Variants in DNM3 observed in about 807,000 individuals in gnomAD.
The protein encoded by DNM3 is dynamin-3.
In DNM3, 47 loss-of-function variants were observed where a neutral mutation model predicts 101.6. The ratio of observed to expected loss-of-function variants is 0.46; its 90% CI spans 0.37 to 0.59. The LOEUF is 0.59. Among genes scored for constraint, DNM3 ranks in the 20% least tolerant of loss-of-function variants. DNM3 has a pLI of 0.00. For missense variants in DNM3, 849 were observed against 1,085.7 expected, an observed-to-expected ratio of 0.78 and a Z score of 3.06; for synonymous variants, 385 against 387.9, an observed-to-expected ratio of 0.99 and a Z score of 0.09.
At chr1:172,274,292 G>A (rs1297092757) in intron 15 of DNM3, among the ~76,000 whole-genome samples, 1 of 152,066 alleles carries the variant, frequency 6.6e-6, no homozygotes, top group Non-Finnish European at 1.5e-5. Flanking sequence ...GTGTCAGGGA[G>A]AGAAATCATC....
intron 2 of DNM3, among the ~76,000 whole-genome samples, chr1:171,938,009 T>G (rs2041561194): frequency 6.7e-6 from 1 of 149,396 alleles, no homozygotes; most frequent in Non-Finnish European, 1.5e-5. Flanking sequence ...TCTAGACACC[T>G]TTCCTTCTTC....
intron 16 of DNM3, among the ~76,000 whole-genome samples, chr1:172,312,366 G>C (rs115029350): frequency 0.014 from 2,168 of 152,228 alleles, 50 homozygotes; most frequent in African/African-American, 0.049. Flanking sequence ...TGACTGGAAA[G>C]AAATCTCTAT....
intron 14 of DNM3, among the ~76,000 whole-genome samples, chr1:172,180,268 T>C (rs1572850913): frequency 6.6e-6 from 1 of 152,116 alleles, no homozygotes; most frequent in African/African-American, 2.4e-5. Context: ...GTTTACTGCA[T>C]GCTAACCAAC....
At chr1:171,855,841 T>C (rs2033550227) in intron 1 of DNM3, among the ~76,000 whole-genome samples, 1 of 152,246 alleles carries the variant, frequency 6.6e-6, no homozygotes, top group Non-Finnish European at 1.5e-5. Flanking sequence ...ACTCTATTGA[T>C]AGTTTCTTTT....
At chr1:171,842,627 C>T (rs2031445888) in intron 1 of DNM3, among the ~76,000 whole-genome samples, 1 of 152,050 alleles carries the variant, frequency 6.6e-6, no homozygotes, top group African/African-American at 2.4e-5. Context: ...ATCTTTCTCG[C>T]ACTCTCTCTG....
At chr1:171,984,413 C>T (rs1039899300) in intron 2 of DNM3, among the ~76,000 whole-genome samples, 13 of 152,166 alleles carry the variant, frequency 8.5e-5, no homozygotes, top group African/African-American at 1.7e-4. Context: ...CCACACCGCC[C>T]GGTGCTCCAG....
chr1:172,010,592 T>A (rs1417813241), intron 4 of DNM3, among the ~76,000 whole-genome samples: 1 of 149,936 alleles, frequency 6.7e-6, no homozygotes, highest in African/African-American at 2.4e-5. Context: ...CTCTCTTTTT[T>A]CCCTCTCTGC....
chr1:171,953,246 TTGC>T (rs1157457269), intron 2 of DNM3, among the ~76,000 whole-genome samples: 4 of 152,272 alleles, frequency 2.6e-5, no homozygotes, highest in Non-Finnish European at 2.9e-5. Context: ...ATCACAAACT[TTGC>T]TGCTATTTTT....
chr1:172,249,671 TA>T (rs903925852), intron 14 of DNM3, among the ~76,000 whole-genome samples: 2 of 152,090 alleles, frequency 1.3e-5, no homozygotes, highest in Non-Finnish European at 2.9e-5. Context: ...GAATCTCTAT[TA>T]AAAAAATCTT....
intron 14 of DNM3, among the ~76,000 whole-genome samples, chr1:172,198,338 T>C (rs114064628): frequency 0.01 from 1,542 of 152,296 alleles, 33 homozygotes; most frequent in African/African-American, 0.035. Flanking sequence ...TTTGAATTAT[T>C]GCACAGATGT....
At chr1:172,134,179 A>G (rs900338983) in intron 14 of DNM3, among the ~76,000 whole-genome samples, 1 of 152,188 alleles carries the variant, frequency 6.6e-6, no homozygotes, top group Non-Finnish European at 1.5e-5. Flanking sequence ...ACTTAAGTTC[A>G]AGGTAGCAAA....
chr1:171,937,492 T>A (rs6689282), intron 2 of DNM3, among the ~76,000 whole-genome samples: 98,300 of 151,986 alleles, frequency 0.65, 31,977 homozygotes, highest in Middle Eastern at 0.69. Context: ...GGGCTTCTTA[T>A]AGATGCAGAC....
chr1:172,346,223 A>G (rs897131718), intron 17 of DNM3, among the ~76,000 whole-genome samples: 1 of 152,208 alleles, frequency 6.6e-6, no homozygotes, highest in African/African-American at 2.4e-5. Flanking sequence ...AGTAAGAATC[A>G]GGAAGAAAGC....
intron 10 of DNM3, among the ~76,000 whole-genome samples, chr1:172,063,031 T>C (rs573446131): frequency 6.6e-6 from 1 of 152,328 alleles, no homozygotes; most frequent in East Asian, 1.9e-4. Context: ...CTAAAATTCA[T>C]TATTTCTATT....
chr1:171,988,678 A>G (rs902962720), intron 3 of DNM3, among the ~76,000 whole-genome samples: 26 of 152,202 alleles, frequency 1.7e-4, no homozygotes, highest in African/African-American at 6.0e-4. Context: ...AGTTACAGAT[A>G]TGACAGCTTT....
chr1:171,997,306 A>C (rs2046063483), intron 4 of DNM3, among the ~76,000 whole-genome samples: 1 of 152,190 alleles, frequency 6.6e-6, no homozygotes, highest in African/African-American at 2.4e-5. Context: ...TTATGCAATA[A>C]GCATAATTTC....
chr1:172,053,180 G>T (rs575422004), intron 10 of DNM3, among the ~76,000 whole-genome samples: 2 of 152,060 alleles, frequency 1.3e-5, no homozygotes, highest in East Asian at 3.9e-4. Flanking sequence ...TACTTCTCCA[G>T]CTATATCTTT....
At chr1:172,268,050 G>A (rs1255971665) in intron 15 of DNM3, among the ~76,000 whole-genome samples, 1 of 152,080 alleles carries the variant, frequency 6.6e-6, no homozygotes, top group African/African-American at 2.4e-5. Flanking sequence ...CAGGAGGAGA[G>A]CCAGAAGACA....
intron 14 of DNM3, among the ~76,000 whole-genome samples, chr1:172,233,781 G>A (rs965821192): frequency 1.3e-5 from 2 of 152,196 alleles, no homozygotes; most frequent in African/African-American, 2.4e-5. Context: ...CAGAACCAAC[G>A]ACAAAAACCA....
Sources: allele counts gnomAD v4.1 joint callset (sites outside exome capture counted in the v4.1 genomes callset), GRCh38; gene constraint gnomAD v4.1.1; transcripts MANE v1.5; gene names NCBI Gene and HGNC (gene_info 2026-07-23, HGNC 2026-07-21).